Variants in WWOX observed in about 807,000 individuals in gnomAD.
WWOX encodes the protein WW domain containing oxidoreductase, also known as WW domain-containing oxidoreductase.
A neutral mutation model predicts 46.2 loss-of-function variants in WWOX; 69 were observed. That is an observed-to-expected ratio of 1.49 (90% CI 1.23 to 1.82). WWOX has a LOEUF of 1.82. WWOX is among the 40% of genes most tolerant of loss of function. The pLI is 0.00. For synonymous variants in WWOX, 359 were observed against 202.6 expected (o/e 1.77, Z -6.56); for missense variants, 919 against 542.6 (o/e 1.69, Z -6.89).
At chr16:78,620,410 A>C (rs753717408) in intron 8 of WWOX, among the ~76,000 whole-genome samples, 1 of 152,162 alleles carries the variant, frequency 6.6e-6, no homozygotes, top group Admixed American at 6.5e-5. Context: ...TTCTGTATCA[A>C]CTGGAAAAAA....
intron 8 of WWOX, among the ~76,000 whole-genome samples, chr16:78,792,470 G>A (rs7189879): frequency 1.2e-4 from 19 of 152,226 alleles, no homozygotes; most frequent in African/African-American, 4.3e-4. Flanking sequence ...CCAGGGTGAG[G>A]AAGTATGTCC....
At chr16:78,896,123 T>C (rs2044694917) in intron 8 of WWOX, 1 of 151,906 alleles carries the variant, frequency 6.6e-6, no homozygotes, top group Non-Finnish European at 1.5e-5. Context: ...ATAGAAATAG[T>C]AGGTTTTATA....
chr16:79,074,001 G>GA (rs567900145), intron 8 of WWOX, among the ~76,000 whole-genome samples: 15,508 of 150,854 alleles, frequency 0.1, 879 homozygotes, highest in South Asian at 0.19. Context: ...AAGGTCTGAG[G>GA]AAAAAAAAAG....
At chr16:78,961,604 G>C (rs1269192729) in intron 8 of WWOX, among the ~76,000 whole-genome samples, 1 of 151,972 alleles carries the variant, frequency 6.6e-6, no homozygotes, top group Non-Finnish European at 1.5e-5. Flanking sequence ...ATAAATGAAA[G>C]GCTTGTTCTT....
chr16:78,787,787 G>T, intron 8 of WWOX, among the ~76,000 whole-genome samples: 1 of 152,156 alleles, frequency 6.6e-6, no homozygotes, highest in East Asian at 1.9e-4. Context: ...TCCACTTGCA[G>T]TATATGAAGG....
chr16:78,567,397 A>T (rs9934805), intron 8 of WWOX, among the ~76,000 whole-genome samples: 24,337 of 151,322 alleles, frequency 0.16, 2,383 homozygotes, highest in African/African-American at 0.27. Flanking sequence ...TACAAAAAAA[A>T]AAAAAATTAG....
chr16:78,415,906 T>C (rs2082786842), intron 6 of WWOX, among the ~76,000 whole-genome samples: 1 of 152,174 alleles, frequency 6.6e-6, no homozygotes, highest in African/African-American at 2.4e-5. Context: ...GTTGCTGGTT[T>C]GTAAATAGCA....
intron 5 of WWOX, among the ~76,000 whole-genome samples, chr16:78,344,165 G>A (rs1194156553): frequency 2.7e-5 from 1 of 37,282 alleles, no homozygotes; most frequent in African/African-American, 9.7e-5. Context: ...CATCATCCTC[G>A]GGCAGGTGCA....
At chr16:78,814,955 C>T (rs2051292106) in intron 8 of WWOX, among the ~76,000 whole-genome samples, 1 of 152,174 alleles carries the variant, frequency 6.6e-6, no homozygotes, top group African/African-American at 2.4e-5. Context: ...GCCCTTTCTT[C>T]TTCTGGTTGG....
chr16:79,207,845 A>C (rs1005987652), intron 8 of WWOX, among the ~76,000 whole-genome samples: 1 of 152,146 alleles, frequency 6.6e-6, no homozygotes, highest in African/African-American at 2.4e-5. Context: ...TTTCCTTTAA[A>C]GGAGTCAATA....
chr16:78,750,931 T>C (rs560411383), intron 8 of WWOX, among the ~76,000 whole-genome samples: 1 of 152,328 alleles, frequency 6.6e-6, no homozygotes, highest in Non-Finnish European at 1.5e-5. Flanking sequence ...TCTTTGCTGT[T>C]GTGGGTAGTG....
At chr16:78,278,576 C>T in intron 5 of WWOX, 1 of 1,597,130 alleles carries the variant, frequency 6.3e-7, no homozygotes, top group Non-Finnish European at 8.6e-7. Context: ...TAATTTTACA[C>T]AACTGTCTTT....
At chr16:78,815,316 C>T (rs1185019108) in intron 8 of WWOX, among the ~76,000 whole-genome samples, 2 of 150,228 alleles carry the variant, frequency 1.3e-5, no homozygotes, top group African/African-American at 4.9e-5. Context: ...GAGAATGAAA[C>T]TCTGTCTCGA....
intron 8 of WWOX, among the ~76,000 whole-genome samples, chr16:78,611,615 T>C (rs1281055859): frequency 6.6e-6 from 1 of 152,176 alleles, no homozygotes; most frequent in Non-Finnish European, 1.5e-5. Context: ...TGGCAACATA[T>C]TTGGGAAAAT....
chr16:78,245,785 A>G (rs1408961730), intron 5 of WWOX, among the ~76,000 whole-genome samples: 1 of 152,208 alleles, frequency 6.6e-6, no homozygotes, highest in Non-Finnish European at 1.5e-5. Flanking sequence ...TACAGCGCAG[A>G]CAATATTCTT....
intron 8 of WWOX, among the ~76,000 whole-genome samples, chr16:78,938,242 G>A (rs991628673): frequency 6.6e-6 from 1 of 152,226 alleles, no homozygotes; most frequent in African/African-American, 2.4e-5. Flanking sequence ...ACGTGAACTA[G>A]AGGTGAGGTG....
intron 8 of WWOX, among the ~76,000 whole-genome samples, chr16:78,560,143 T>C (rs1250440630): frequency 6.6e-6 from 1 of 152,122 alleles, no homozygotes. Context: ...ATACAAAAAA[T>C]ATGCATAGTA....
chr16:78,645,191 T>G (rs1304773909), intron 8 of WWOX, among the ~76,000 whole-genome samples: 2 of 152,178 alleles, frequency 1.3e-5, no homozygotes, highest in Non-Finnish European at 2.9e-5. Context: ...TGTACTGGTT[T>G]CTCTCCTGCG....
chr16:78,318,834 T>G (rs1009447889), intron 5 of WWOX, among the ~76,000 whole-genome samples: 2 of 152,276 alleles, frequency 1.3e-5, no homozygotes, highest in African/African-American at 4.8e-5. Flanking sequence ...CTTATATAAC[T>G]ACAGTACAGG....
Sources: allele counts gnomAD v4.1 joint callset (sites outside exome capture counted in the v4.1 genomes callset), GRCh38; gene constraint gnomAD v4.1.1; transcripts MANE v1.5; gene names NCBI Gene and HGNC (gene_info 2026-07-23, HGNC 2026-07-21).